TFDP2: variants seen among roughly 807,000 people sequenced by gnomAD.
TFDP2 encodes transcription factor Dp-2 (E2F dimerization partner 2).
Under a neutral mutation model 59.3 loss-of-function variants are expected in TFDP2, and 17 were observed. That is an observed-to-expected ratio of 0.29 (90% CI 0.20 to 0.43). TFDP2 has a LOEUF of 0.43. TFDP2 is among the 20% of genes least tolerant of loss of function. TFDP2 has a pLI of 1.00. For synonymous variants in TFDP2, 180 were observed against 194.7 expected (o/e 0.92, Z 0.63); for missense variants, 391 against 528.8 (o/e 0.74, Z 2.56).
At chr3:141,971,829 T>C (rs1039316548) in intron 8 of TFDP2, among the ~76,000 whole-genome samples, 3 of 152,332 alleles carry the variant, frequency 2.0e-5, no homozygotes, top group Non-Finnish European at 4.4e-5. Flanking sequence ...TCTGCCTCTA[T>C]CCGCCTTTGC....
At chr3:142,063,585 A>G (rs1452049122) in intron 3 of TFDP2, among the ~76,000 whole-genome samples, 4 of 152,230 alleles carry the variant, frequency 2.6e-5, no homozygotes, top group African/African-American at 9.6e-5. Flanking sequence ...ATAGCTACCT[A>G]GAGGTGGAAT....
At chr3:141,989,881 A>G (rs568295341) in intron 6 of TFDP2, among the ~76,000 whole-genome samples, 1 of 149,488 alleles carries the variant, frequency 6.7e-6, no homozygotes, top group African/African-American at 2.5e-5. Context: ...TTACTTTAAT[A>G]ATAATAATAA....
At chr3:142,008,979 C>A (rs1944432819) in intron 3 of TFDP2, among the ~76,000 whole-genome samples, 1 of 152,198 alleles carries the variant, frequency 6.6e-6, no homozygotes, top group Non-Finnish European at 1.5e-5. Context: ...ACAGCTCCAC[C>A]TCCAAAGCCT....
At chr3:142,050,864 A>C (rs941000686) in intron 3 of TFDP2, among the ~76,000 whole-genome samples, 38 of 152,068 alleles carry the variant, frequency 2.5e-4, no homozygotes, top group African/African-American at 8.9e-4. Flanking sequence ...TCAATCAATC[A>C]ATCAGGAGAT....
At chr3:142,085,212 GC>G (rs1401052335) in intron 3 of TFDP2, among the ~76,000 whole-genome samples, 1 of 152,190 alleles carries the variant, frequency 6.6e-6, no homozygotes, top group East Asian at 1.9e-4. Flanking sequence ...ATTGCACCCA[GC>G]CGGTCAATAA....
At chr3:142,010,608 CAAA>C (rs34003711) in intron 3 of TFDP2, among the ~76,000 whole-genome samples, 1 of 57,138 alleles carries the variant, frequency 1.8e-5, no homozygotes, top group Non-Finnish European at 3.3e-5. Flanking sequence ...GACTCTGTCT[CAAA>C]AAAAAAAAAA....
At chr3:141,952,756 A>G in intron 12 of TFDP2, 60 bp from the exon 13 acceptor site, 1 of 1,598,434 alleles carries the variant, frequency 6.3e-7, no homozygotes, top group Admixed American at 1.8e-5. Context: ...TTTGTAAAAC[A>G]TAGGAATAAA....
intron 3 of TFDP2, among the ~76,000 whole-genome samples, chr3:142,066,363 G>GT (rs1247839190): frequency 6.6e-6 from 1 of 152,190 alleles, no homozygotes; most frequent in East Asian, 1.9e-4. Flanking sequence ...TGAAAATATT[G>GT]TAAGTTGGAA....
chr3:141,966,810 T>C (rs1265050142), intron 9 of TFDP2, among the ~76,000 whole-genome samples: 2 of 149,688 alleles, frequency 1.3e-5, no homozygotes, highest in African/African-American at 5.0e-5. Flanking sequence ...AGAGAGGTGG[T>C]AGCAAGGAGG....
chr3:142,084,729 A>AC (rs1560126676), intron 3 of TFDP2, among the ~76,000 whole-genome samples: 1 of 151,380 alleles, frequency 6.6e-6, no homozygotes, highest in Admixed American at 6.6e-5. Context: ...ATGGAAAGAT[A>AC]AACTTCACAT....
At chr3:142,034,769 G>A (rs140033727) in intron 3 of TFDP2, among the ~76,000 whole-genome samples, 1,959 of 148,884 alleles carry the variant, frequency 0.013, 21 homozygotes, top group Non-Finnish European at 0.017. Context: ...AGGCTGGAGT[G>A]CAGTGGCGCA....
At chr3:142,070,639 T>G (rs1396813649) in intron 3 of TFDP2, among the ~76,000 whole-genome samples, 1 of 152,230 alleles carries the variant, frequency 6.6e-6, no homozygotes, top group Admixed American at 6.5e-5. Flanking sequence ...GTTACATATG[T>G]GTAAGAACTG....
At chr3:142,102,912 A>C (rs2061356790) in intron 1 of TFDP2, among the ~76,000 whole-genome samples, 3 of 152,210 alleles carry the variant, frequency 2.0e-5, no homozygotes, top group Admixed American at 2.0e-4. Context: ...TGAATGGCAA[A>C]GAAAGGCTGA....
At chr3:142,030,249 A>G (rs922445671) in intron 3 of TFDP2, among the ~76,000 whole-genome samples, 1 of 152,236 alleles carries the variant, frequency 6.6e-6, no homozygotes, top group Non-Finnish European at 1.5e-5. Context: ...AGTATAAACA[A>G]AACTGAAAAT....
At chr3:142,138,392 T>A (rs1419718337) in intron 1 of TFDP2, among the ~76,000 whole-genome samples, 2 of 152,228 alleles carry the variant, frequency 1.3e-5, no homozygotes, top group African/African-American at 4.8e-5. Context: ...CTGATCTTAG[T>A]TATTTCTTGC....
intron 3 of TFDP2, among the ~76,000 whole-genome samples, chr3:142,087,358 AC>A (rs2060835387): frequency 6.6e-6 from 1 of 152,132 alleles, no homozygotes; most frequent in South Asian, 2.1e-4. Flanking sequence ...GTATTTGTGT[AC>A]CTAAACATAG....
At chr3:142,084,450 G>T (rs951419127) in intron 3 of TFDP2, among the ~76,000 whole-genome samples, 1 of 152,134 alleles carries the variant, frequency 6.6e-6, no homozygotes, top group African/African-American at 2.4e-5. Context: ...GCTACCACAT[G>T]ATCCAGCAAT....
chr3:141,964,171 G>A lies in TFDP2; in HGVS notation c.733-208C>T, dbSNP rs138009600. On this transcript the variant is annotated intron_variant, in intron 9 of 12. Coordinates refer to ENST00000489671, the MANE Select transcript of TFDP2 (RefSeq NM_001178139.2). ...ATTTTTCCATCATCCATAGAAACAG[G>A]ACCTCACAATCTGGGAAAGAACCAG... Among the ~76,000 whole-genome samples the A allele has an allele frequency of 3.4e-3, 520 of 152,008 alleles. 4 individuals are homozygous for A. Among genetic ancestry groups the A allele is most frequent in the African/African-American group, 0.012 (494 of 41,472 alleles).
chr3:142,077,124 A>AG (rs2060484743), intron 3 of TFDP2, among the ~76,000 whole-genome samples: 1 of 152,206 alleles, frequency 6.6e-6, no homozygotes, highest in South Asian at 2.1e-4. Context: ...ATACCCACAG[A>AG]GGGAACATAT....
Sources: allele counts gnomAD v4.1 joint callset (sites outside exome capture counted in the v4.1 genomes callset), GRCh38; gene constraint gnomAD v4.1.1; transcripts MANE v1.5; gene names NCBI Gene and HGNC (gene_info 2026-07-23, HGNC 2026-07-21).